The following RBFOX3 variants were observed in gnomAD, a reference collection of about 807,000 sequenced individuals.
RBFOX3 encodes RNA binding fox-1 homolog 3.
Under a neutral mutation model 48.7 loss-of-function variants are expected in RBFOX3, and 17 were observed. The ratio of observed to expected loss-of-function variants is 0.35; its 90% CI spans 0.24 to 0.52. The LOEUF (loss-of-function observed/expected upper bound fraction) is 0.52, where lower values mean the gene tolerates loss of function less well. Ranked by LOEUF, RBFOX3 falls within the 20% of genes least tolerant of loss-of-function variation. RBFOX3 has a pLI of 0.94. For missense variants in RBFOX3, 382 were observed against 497.5 expected (o/e 0.77, Z 2.21); for synonymous variants, 212 against 209.5 (o/e 1.01, Z -0.10).
intron 2 of RBFOX3, among the ~76,000 whole-genome samples, chr17:79,329,403 C>A (rs1261836015): frequency 6.6e-6 from 1 of 152,120 alleles, no homozygotes; most frequent in African/African-American, 2.4e-5. Context: ...ATCCTGTGCA[C>A]CCTGGGGAGG....
intron 2 of RBFOX3, among the ~76,000 whole-genome samples, chr17:79,455,582 T>C (rs1021096973): frequency 2.6e-5 from 4 of 151,980 alleles, no homozygotes; most frequent in Non-Finnish European, 5.9e-5. Context: ...CACGGGTGTG[T>C]GCACACACAC....
At chr17:79,497,494 G>A (rs2081717562) in intron 1 of RBFOX3, among the ~76,000 whole-genome samples, 3 of 152,196 alleles carry the variant, frequency 2.0e-5, no homozygotes, top group East Asian at 1.9e-4. Flanking sequence ...TGTCTCATAC[G>A]TAGTACTAGG....
At chr17:79,658,617 T>C in the RBFOX3 span, among the ~76,000 whole-genome samples, 1 of 152,068 alleles carries the variant, frequency 6.6e-6, no homozygotes, top group East Asian at 2.0e-4. Flanking sequence ...AGTGAAGCTG[T>C]CGCTTGTGCA....
intron 4 of RBFOX3, among the ~76,000 whole-genome samples, chr17:79,126,169 C>G (rs2037210182): frequency 1.3e-5 from 2 of 152,230 alleles, no homozygotes; most frequent in Non-Finnish European, 2.9e-5. Flanking sequence ...GCCACATTCC[C>G]AGTTTGAATG....
chr17:79,620,347 A>G, the RBFOX3 span, among the ~76,000 whole-genome samples: 8,099 of 147,902 alleles, frequency 0.055, 731 homozygotes, highest in African/African-American at 0.19. Flanking sequence ...AGACATGCAC[A>G]CACACGGACA....
chr17:79,229,082 A>T (rs1480172522), intron 4 of RBFOX3, among the ~76,000 whole-genome samples: 1 of 151,096 alleles, frequency 6.6e-6, no homozygotes, highest in East Asian at 2.0e-4. Context: ...CAAAAAAAGT[A>T]GCCAGGCGTG....
At chr17:79,137,824 A>C (rs1009095151) in intron 4 of RBFOX3, among the ~76,000 whole-genome samples, 7 of 151,994 alleles carry the variant, frequency 4.6e-5, no homozygotes, top group Non-Finnish European at 8.8e-5. Context: ...TTCCAGCCAC[A>C]CTCTGCCTTC....
In RBFOX3 at chr17:79,164,622, G is replaced by A. The variant is rs112456974; in HGVS notation, c.-33-48874C>T. ...GCGTCAGGTGCGGCCACAGCACGGC[G>A]GAGCAAAACAAAAGTGCACGCATTC... On this transcript the variant is annotated intron_variant, in intron 4 of 14. Coordinates refer to ENST00000693108, the MANE Select transcript of RBFOX3 (RefSeq NM_001350451.2). Among the ~76,000 whole-genome samples, 783 of 152,332 alleles carry A rather than the reference G, an allele frequency of 5.1e-3. 5 individuals are homozygous for A. Among genetic ancestry groups the A allele is most frequent in the African/African-American group, 0.017 (718 of 41,568 alleles).
intron 2 of RBFOX3, among the ~76,000 whole-genome samples, chr17:79,382,323 G>A (rs567147943): frequency 4.6e-5 from 7 of 152,324 alleles, no homozygotes; most frequent in Admixed American, 2.6e-4. Flanking sequence ...CTGCAGGGAT[G>A]GGGGGCTCTA....
rs1419385403 is a variant in RBFOX3 at position 79,512,879 on chromosome 17, G to C, written c.-319-30281C>G. ...GGCCAGGGGACGCACACCCGGATAC[G>C]TATTACCATCGGCTACGGCCCCATG... On this transcript the variant is annotated intron_variant, in intron 1 of 14. Transcript: ENST00000693108. Among the ~76,000 whole-genome samples the C allele has an allele frequency of 5.7e-5, 6 of 105,394 alleles. 1 individual carries two copies. The highest frequency in any genetic ancestry group is 1.2e-4 in the Non-Finnish European group (6 of 51,272). 69.1% of individuals were successfully genotyped at this position (105,394 alleles called of 152,430 possible).
At chr17:79,579,314 C>T (rs1172196634) in intron 1 of RBFOX3, among the ~76,000 whole-genome samples, 1 of 152,162 alleles carries the variant, frequency 6.6e-6, no homozygotes, top group East Asian at 1.9e-4. Context: ...CGGCCGCTGG[C>T]CCATGGCTCC....
At chr17:79,349,695 C>T (rs1316873272) in intron 2 of RBFOX3, among the ~76,000 whole-genome samples, 1 of 152,104 alleles carries the variant, frequency 6.6e-6, no homozygotes, top group Non-Finnish European at 1.5e-5. Flanking sequence ...CCTGTATCCC[C>T]GGGGCTCAGC....
upstream of RBFOX3, among the ~76,000 whole-genome samples, chr17:79,613,059 G>A (rs888263533): frequency 2.6e-5 from 4 of 152,242 alleles, no homozygotes; most frequent in Non-Finnish European, 5.9e-5. Context: ...GCATGTGCCT[G>A]TGAAGTGGGG....
At chr17:79,388,617 C>T (rs2060906284) in intron 2 of RBFOX3, among the ~76,000 whole-genome samples, 1 of 152,204 alleles carries the variant, frequency 6.6e-6, no homozygotes, top group Non-Finnish European at 1.5e-5. Flanking sequence ...AAGCTCACTG[C>T]ACAGCTGCGG....
the RBFOX3 span, among the ~76,000 whole-genome samples, chr17:79,650,278 A>G: frequency 6.6e-6 from 1 of 152,102 alleles, no homozygotes; most frequent in Non-Finnish European, 1.5e-5. Flanking sequence ...TGAATTAGAG[A>G]GTAATGCTGG....
At chr17:79,420,425 G>A (rs949003890) in intron 2 of RBFOX3, among the ~76,000 whole-genome samples, 1 of 152,234 alleles carries the variant, frequency 6.6e-6, no homozygotes, top group Non-Finnish European at 1.5e-5. Context: ...GGAGGAAAGT[G>A]TGAGTCAGCG....
chr17:79,619,023 C>G, the RBFOX3 span, among the ~76,000 whole-genome samples: 1 of 152,114 alleles, frequency 6.6e-6, no homozygotes. Flanking sequence ...ACAGTTCAGT[C>G]GAAACCATAA....
chr17:79,619,866 T>A, the RBFOX3 span, among the ~76,000 whole-genome samples: 1 of 152,052 alleles, frequency 6.6e-6, no homozygotes, highest in Non-Finnish European at 1.5e-5. Flanking sequence ...AACCAAATTC[T>A]CCTCTGGCCG....
intron 4 of RBFOX3, among the ~76,000 whole-genome samples, chr17:79,173,071 G>T (rs2049709260): frequency 6.6e-6 from 1 of 152,174 alleles, no homozygotes; most frequent in Non-Finnish European, 1.5e-5. Context: ...TTAGCCGGGT[G>T]TGGTGGCGCA....
Sources: gnomAD v4.1 joint callset for allele counts (sites outside exome capture counted in the v4.1 genomes callset) on GRCh38, gnomAD v4.1.1 for gene constraint, MANE v1.5 for transcripts, NCBI Gene and HGNC (gene_info 2026-07-23, HGNC 2026-07-21) for gene names.